POLR3B: variants seen among roughly 807,000 people sequenced by gnomAD.
The protein encoded by POLR3B is RNA polymerase III subunit B.
In POLR3B, 96 loss-of-function variants were observed where a neutral mutation model predicts 147.4. The ratio of observed to expected loss-of-function variants is 0.65; its 90% CI spans 0.55 to 0.77. The LOEUF (loss-of-function observed/expected upper bound fraction) is 0.77. Among genes scored for constraint, POLR3B ranks in the 30% least tolerant of loss-of-function variants. The pLI, the probability that POLR3B is intolerant of heterozygous loss-of-function variation, is 0.00. For missense variants in POLR3B, 1,036 were observed against 1,413.5 expected (o/e 0.73, Z 4.28); for synonymous variants, 461 against 485.9 (o/e 0.95, Z 0.67).
chr12:106,470,247 A>G (rs1378560061), intron 23 of POLR3B, among the ~76,000 whole-genome samples: 1 of 151,974 alleles, frequency 6.6e-6, no homozygotes, highest in Non-Finnish European at 1.5e-5. Flanking sequence ...CGAATTGGCT[A>G]TTGAAGCTTG....
At chr12:106,393,517 G>C (rs188957853) in intron 10 of POLR3B, among the ~76,000 whole-genome samples, 1 of 148,684 alleles carries the variant, frequency 6.7e-6, no homozygotes, top group African/African-American at 2.6e-5. Flanking sequence ...GTGTGTGTGT[G>C]TGTGTGTGTG....
chr12:106,500,198 T>C, intron 25 of POLR3B: 1 of 454,822 alleles, frequency 2.2e-6, no homozygotes, highest in East Asian at 7.0e-5. Context: ...AAGAAGAAAG[T>C]TTGAGGCAGT....
chr12:106,437,952 G>A (rs1030685124), intron 18 of POLR3B, among the ~76,000 whole-genome samples, 173 bp downstream of exon 18: 3 of 152,040 alleles, frequency 2.0e-5, no homozygotes, highest in Non-Finnish European at 4.4e-5. Context: ...ATAGGTAAAC[G>A]TGGGCCATGG....
rs1336461341 is a variant in POLR3B, at chr12:106,432,513, A to G, written c.1627+33A>G. 2.6e-6 allele frequency: 4 copies of G among 1,556,598 alleles called. No homozygotes were observed. The highest frequency in any genetic ancestry group is 1.1e-5 in the South Asian group (1 of 89,790). On this transcript the variant is annotated intron_variant, in intron 15 of 27. Transcript: ENST00000228347. ...TATTATAGAGACATGTTGGTCCTAG[A>G]TAGTCTGTGAAGAGGGGGAGGGAAT... is the stretch of plus-strand genomic sequence containing the variant.
At chr12:106,481,587 C>T (rs1446501062) in intron 23 of POLR3B, among the ~76,000 whole-genome samples, 1 of 152,230 alleles carries the variant, frequency 6.6e-6, no homozygotes, top group Non-Finnish European at 1.5e-5. Flanking sequence ...TCTCCTGTTA[C>T]TTTTCTTTCC....
chr12:106,410,771 C>T (rs1025666978), intron 11 of POLR3B, 55 bp from the exon 12 acceptor site: 115 of 1,421,236 alleles, frequency 8.1e-5, no homozygotes, highest in Middle Eastern at 3.5e-4. Context: ...TCTTGAGGTA[C>T]GTTAAATTTT....
intron 23 of POLR3B, among the ~76,000 whole-genome samples, chr12:106,479,378 C>G (rs942467546): frequency 2.7e-5 from 4 of 150,436 alleles, no homozygotes; most frequent in Non-Finnish European, 5.9e-5. Flanking sequence ...TATATTCTTT[C>G]TCTCTCTCTT....
Position 106,425,152 on chromosome 12 carries a change from T to C in POLR3B, c.1102-2045T>C, listed in dbSNP as rs955868234. The stretch of plus-strand genomic sequence containing the variant: ...ATGGCACCTCCAATACAATGTTGAA[T>C]AGGAGTGTTGAGCATGGGCAATCTT... On this transcript the variant is annotated intron_variant, in intron 12 of 27. Coordinates refer to ENST00000228347, the MANE Select transcript of POLR3B (RefSeq NM_018082.6). Among the ~76,000 whole-genome samples, 3 of 152,236 alleles carry C rather than the reference T, an allele frequency of 2.0e-5. No individual in the cohort carries two copies. The South Asian group carries it at 6.2e-4, about 32-fold the overall frequency.
intron 23 of POLR3B, among the ~76,000 whole-genome samples, chr12:106,466,983 G>T (rs914972853): frequency 7.2e-5 from 11 of 152,196 alleles, no homozygotes; most frequent in African/African-American, 2.7e-4. Flanking sequence ...CTCTGGTTCT[G>T]TGAAGTAAGT....
intron 23 of POLR3B, among the ~76,000 whole-genome samples, chr12:106,483,210 C>G (rs1414264074): frequency 6.6e-6 from 1 of 152,172 alleles, no homozygotes; most frequent in Non-Finnish European, 1.5e-5. Context: ...CGATTCATAT[C>G]TCATTGAAGA....
intron 18 of POLR3B, among the ~76,000 whole-genome samples, chr12:106,439,593 A>T (rs1325900518): frequency 1.3e-5 from 2 of 152,022 alleles, no homozygotes; most frequent in Non-Finnish European, 2.9e-5. Flanking sequence ...TCTGTGAGCC[A>T]TGTTCATGCC....
At chr12:106,381,095 A>T (rs971183414) in intron 9 of POLR3B, among the ~76,000 whole-genome samples, 10 of 152,242 alleles carry the variant, frequency 6.6e-5, no homozygotes, top group African/African-American at 2.4e-4. Context: ...AGTGAGTTAT[A>T]GTCTTTTTAC....
intron 9 of POLR3B, among the ~76,000 whole-genome samples, chr12:106,389,548 G>A (rs2036886052): frequency 6.6e-6 from 1 of 151,948 alleles, no homozygotes; most frequent in Non-Finnish European, 1.5e-5. Flanking sequence ...TTCGTTACAG[G>A]TTGAGCATCC....
intron 23 of POLR3B, among the ~76,000 whole-genome samples, chr12:106,483,734 A>G (rs914081783): frequency 3.3e-5 from 5 of 152,104 alleles, no homozygotes; most frequent in Non-Finnish European, 5.9e-5. Context: ...CACTGCTCTG[A>G]TAGTTTTCTT....
At chr12:106,410,581 T>A in intron 11 of POLR3B, 2 of 509,710 alleles carry the variant, frequency 3.9e-6, no homozygotes, top group Admixed American at 3.2e-5. Flanking sequence ...GAAGTTTATA[T>A]GAAGGGAAGA....
chr12:106,398,790 A>G (rs1458185722), intron 10 of POLR3B, among the ~76,000 whole-genome samples: 1 of 152,214 alleles, frequency 6.6e-6, no homozygotes, highest in African/African-American at 2.4e-5. Context: ...TTAGAAGGAA[A>G]ACTAACAAAC....
rs71072674 is a variant in POLR3B at position 106,393,491 on chromosome 12, T to TTGTG, written c.846+374_846+377dup. On this transcript the variant is annotated intron_variant, in intron 10 of 27. Coordinates refer to ENST00000228347, the MANE Select transcript of POLR3B (RefSeq NM_018082.6). ...CTATGGCAACTCTCGTGTACAGGTT[T>TTGTG]TGTGTGTGTGTGTGTGTGTGTGTGT... Among the ~76,000 whole-genome samples the TTGTG allele has an allele frequency of 9.8e-3, 1,393 of 141,430 alleles. 12 individuals are homozygous for TTGTG. The highest frequency in any genetic ancestry group is 0.025 in the African/African-American group (930 of 37,134). 92.8% of individuals were successfully genotyped at this position (141,430 alleles called of 152,430 possible). A position where few individuals can be genotyped will look rare whatever the true frequency, so the allele number is the denominator to read the frequency against.
chr12:106,378,476 AC>A, intron 8 of POLR3B, 92 bp downstream of exon 8: 2 of 736,366 alleles, frequency 2.7e-6, no homozygotes, highest in Non-Finnish European at 4.8e-6. Flanking sequence ...GCCAGTTATT[AC>A]CCTCTAAAAG....
At position 106,380,060 on chromosome 12, in the gene POLR3B, A is replaced by G. The variant is rs1180062151; in HGVS notation, c.644A>G (p.Asn215Ser). ...ACCCATGAGAAAAAAAGCAGAACCA[A>G]TATGGCTGTGAAACAAGGACGATTT... ...SSTHEKKSRT[N>S]MAVKQGRFYL... Residue 215 changes from asparagine to serine, a missense_variant, in exon 9 of 28, where the codon AAT becomes AGT. By Grantham distance (46) the Asn-to-Ser change is conservative. Transcript: ENST00000228347. 2 of 1,613,174 alleles carry G rather than the reference A, an allele frequency of 1.2e-6. No homozygotes were observed. Among genetic ancestry groups the G allele is most frequent in the Admixed American group, 1.7e-5 (1 of 60,002 alleles).
Sources: allele counts gnomAD v4.1 joint callset (sites outside exome capture counted in the v4.1 genomes callset), GRCh38; gene constraint gnomAD v4.1.1; transcripts MANE v1.5; gene names NCBI Gene and HGNC (gene_info 2026-07-23, HGNC 2026-07-21).